The following AIMP2 variants were observed in gnomAD, a reference collection of about 807,000 sequenced individuals.
AIMP2 encodes aminoacyl tRNA synthetase complex interacting multifunctional protein 2.
Under a neutral mutation model 23.4 loss-of-function variants are expected in AIMP2, and 20 were observed. The observed-to-expected ratio is 0.85, with a 90% confidence interval of 0.60 to 1.24. The LOEUF is 1.24. AIMP2 is among the 50% of genes most tolerant of loss of function. The pLI is 0.00. For synonymous variants in AIMP2, 210 were observed against 170.4 expected (o/e 1.23, Z -1.81); for missense variants, 515 against 414.5 (o/e 1.24, Z -2.10).
chr7:6,013,810 G>A (rs1012410596), intron 1 of AIMP2, among the ~76,000 whole-genome samples: 1 of 152,008 alleles, frequency 6.6e-6, no homozygotes, highest in Admixed American at 6.6e-5. Context: ...AATTAGCCAG[G>A]CTTGGTGGCA....
At chr7:6,018,371 A>T (rs1478563871) in intron 3 of AIMP2, among the ~76,000 whole-genome samples, 2 of 150,258 alleles carry the variant, frequency 1.3e-5, no homozygotes, top group African/African-American at 4.9e-5. Context: ...GCTGGTCTCA[A>T]ACTCCTGACC....
Position 6,009,966 on chromosome 7 carries a change from A to ATATATAT in AIMP2, c.135+468_135+469insTATATAT, listed in dbSNP as rs1162854647. Among the ~76,000 whole-genome samples, 23 of 40,204 alleles carry ATATATAT rather than the reference A, an allele frequency of 5.7e-4. 1 individual carries two copies. The highest frequency in any genetic ancestry group is 1.9e-3 in the African/African-American group (20 of 10,652). 26.4% of individuals were successfully genotyped at this position (40,204 alleles called of 152,430 possible). The stretch of plus-strand genomic sequence containing the variant: ...CTCTATCTCAAAAAAAAAAAAAAAA[A>ATATATAT]AAAAAAAAATATATATATATATATA... On this transcript the variant is annotated intron_variant, in intron 1 of 3. Coordinates refer to ENST00000223029, the MANE Select transcript of AIMP2 (RefSeq NM_006303.4).
intron 1 of AIMP2, among the ~76,000 whole-genome samples, chr7:6,010,292 C>T (rs1583443137): frequency 6.6e-6 from 1 of 151,890 alleles, no homozygotes; most frequent in African/African-American, 2.4e-5. Context: ...GTCACCATGG[C>T]CCAGGTTGAC....
chr7:6,023,067 G>C, intron 3 of AIMP2: 1 of 509,618 alleles, frequency 2.0e-6, no homozygotes. Context: ...CTTCAGAAGT[G>C]TCATAATCAA....
At chr7:6,015,424 A>T in intron 2 of AIMP2, 72 bp downstream of exon 2, 1 of 1,535,172 alleles carries the variant, frequency 6.5e-7, no homozygotes, top group Non-Finnish European at 9.0e-7. Flanking sequence ...TGCTGCTGTG[A>T]TTAAAGCCTT....
At chr7:6,014,530 G>C (rs550170666) in intron 1 of AIMP2, among the ~76,000 whole-genome samples, 1 of 151,652 alleles carries the variant, frequency 6.6e-6, no homozygotes, top group African/African-American at 2.4e-5. Flanking sequence ...AAAGTGCTGG[G>C]ATTACAGGTA....
At chr7:6,014,351 G>A (rs1226977346) in intron 1 of AIMP2, among the ~76,000 whole-genome samples, 6 of 142,608 alleles carry the variant, frequency 4.2e-5, no homozygotes, top group Admixed American at 7.4e-5. Flanking sequence ...CCCGCCTCCC[G>A]GGTTCAAGCG....
intron 1 of AIMP2, among the ~76,000 whole-genome samples, chr7:6,009,989 A>ATATATATATATATATATATATATATATG (rs1259647902): frequency 6.5e-5 from 7 of 108,398 alleles, no homozygotes; most frequent in Non-Finnish European, 1.1e-4. Context: ...ATATATATAT[A>ATATATATATATATATATATATATATATG]TATGTATGTA....
intron 3 of AIMP2, 36 bp downstream of exon 3, chr7:6,018,081 C>A: frequency 6.5e-7 from 1 of 1,541,510 alleles, no homozygotes; most frequent in Non-Finnish European, 8.9e-7. Flanking sequence ...TTACACACAG[C>A]TGCCCCTTGA....
Position 6,009,505 on chromosome 7 carries a change from G to A in AIMP2, c.135+7G>A. 3 of 1,513,768 alleles carry A rather than the reference G, an allele frequency of 2.0e-6. No homozygotes were observed. The highest frequency in any genetic ancestry group is 2.6e-6 in the Non-Finnish European group (3 of 1,139,186). The allele number at this position is 1,513,768 out of a possible 1,614,324, so 93.8% of individuals were successfully genotyped here. A position where few individuals can be genotyped will look rare whatever the true frequency, so the allele number is the denominator to read the frequency against. On this transcript the variant is annotated splice_region_variant and intron_variant, in intron 1 of 3. Transcript: ENST00000223029. ...GGGCGCTGGCCACGTGCAGGTAGGA[G>A]CGCGGGGCCCCCCGCCCAGTGCGCA...
intron 3 of AIMP2, chr7:6,022,399 T>C (rs983816334): frequency 2.0e-4 from 30 of 152,228 alleles, no homozygotes; most frequent in African/African-American, 6.5e-4. Flanking sequence ...AAGTTTTATG[T>C]GGATTTTCGA....
chr7:6,020,280 G>A (rs1787300656), intron 3 of AIMP2, among the ~76,000 whole-genome samples: 1 of 152,028 alleles, frequency 6.6e-6, no homozygotes, highest in Non-Finnish European at 1.5e-5. Flanking sequence ...AATGAGCTCA[G>A]CATGGTGACC....
At chr7:6,012,678 G>A (rs1370430726) in intron 1 of AIMP2, 2 of 392,556 alleles carry the variant, frequency 5.1e-6, no homozygotes, top group Non-Finnish European at 1.0e-5. Context: ...TCCTGCCTTA[G>A]CCTCTCCAGT....
chr7:6,023,698 G>A lies in AIMP2; in HGVS notation c.*7G>A, dbSNP rs199673160. ...CCTCAAGCTCCTTAAGTGAATTGCC[G>A]TAACTGATTTTAAAGGGTTTAGATT... On this transcript the variant is annotated 3_prime_UTR_variant, in exon 4 of 4. Transcript: ENST00000223029. The A allele has an allele frequency of 3.2e-4, 520 of 1,614,038 alleles. 1 individual carries two copies. The African/African-American group carries it at 5.4e-3, about 17-fold the overall frequency.
At chr7:6,021,805 A>G (rs965036418) in intron 3 of AIMP2, among the ~76,000 whole-genome samples, 2 of 152,206 alleles carry the variant, frequency 1.3e-5, no homozygotes, top group Non-Finnish European at 2.9e-5. Flanking sequence ...CTTCTATGAT[A>G]TAAGCACTGA....
intron 3 of AIMP2, chr7:6,022,284 T>C (rs1133132): frequency 0.36 from 54,040 of 152,056 alleles, 10,399 homozygotes; most frequent in Middle Eastern, 0.46. Context: ...ATTGTAAGAA[T>C]ATAGCATATA....
chr7:6,011,177 G>C (rs1333149116), intron 1 of AIMP2, among the ~76,000 whole-genome samples: 1 of 152,038 alleles, frequency 6.6e-6, no homozygotes, highest in Non-Finnish European at 1.5e-5. Context: ...GCAGGCATGG[G>C]GTATGTACTA....
At chr7:6,012,338 T>C (rs941197831) in intron 1 of AIMP2, among the ~76,000 whole-genome samples, 1 of 151,234 alleles carries the variant, frequency 6.6e-6, no homozygotes, top group Non-Finnish European at 1.5e-5. Flanking sequence ...TAAATACATA[T>C]AAATTAAAAC....
At chr7:6,010,230 A>T (rs1278012977) in intron 1 of AIMP2, among the ~76,000 whole-genome samples, 1 of 151,546 alleles carries the variant, frequency 6.6e-6, no homozygotes, top group Non-Finnish European at 1.5e-5. Context: ...CCCTCTGAAA[A>T]GTGAATAGCA....
Sources: allele counts gnomAD v4.1 joint callset (sites outside exome capture counted in the v4.1 genomes callset), GRCh38; gene constraint gnomAD v4.1.1; transcripts MANE v1.5; gene names NCBI Gene and HGNC (gene_info 2026-07-23, HGNC 2026-07-21).